The following ZNF320 variants were observed in gnomAD, a reference collection of about 807,000 sequenced individuals.
ZNF320 encodes zinc finger protein 320, also known as zinc finger gene 320.
A neutral mutation model predicts 6.8 loss-of-function variants in ZNF320; 2 were observed. The ratio of observed to expected loss-of-function variants is 0.29; its 90% confidence interval spans 0.12 to 0.93. ZNF320 has a LOEUF of 0.93. Among genes scored for constraint, ZNF320 ranks in the 40% least tolerant of loss-of-function variants. The probability of loss-of-function intolerance (pLI) is 0.55; values close to 1 mark genes in which losing one functional copy is unlikely to be tolerated. For missense variants in ZNF320, 472 were observed against 611.0 expected, an observed-to-expected ratio of 0.77 and a Z score of 2.40; for synonymous variants, 208 against 203.2, an observed-to-expected ratio of 1.02 and a Z score of -0.20.
chr19:52,866,869 C>CAAAAAAAACAAAA (rs2063583152), intron 5 of ZNF320, among the ~76,000 whole-genome samples: 1 of 108,888 alleles, frequency 9.2e-6, no homozygotes. Context: ...ACAAAACATA[C>CAAAAAAAACAAAA]AAAAAAAAAA....
At chr19:52,882,922 C>CA (rs2063966453) in intron 5 of ZNF320, among the ~76,000 whole-genome samples, 2 of 151,158 alleles carry the variant, frequency 1.3e-5, no homozygotes, top group African/African-American at 4.9e-5. Flanking sequence ...CCTTGGGTGA[C>CA]AGAGTGAGAC....
downstream of ZNF320, among the ~76,000 whole-genome samples, chr19:52,872,058 C>T (rs1311810010): frequency 6.6e-6 from 1 of 152,124 alleles, no homozygotes; most frequent in African/African-American, 2.4e-5. Context: ...GTGGTAGCAC[C>T]TGCCTGTCAT....
At chr19:52,871,371 T>G (rs977549968), downstream of ZNF320, among the ~76,000 whole-genome samples, 1 of 152,000 alleles carries the variant, frequency 6.6e-6, no homozygotes, top group African/African-American at 2.4e-5. Flanking sequence ...TACAAAAAAT[T>G]AGCCAGGCAT....
At chr19:52,897,323 G>A (rs2147909980) in intron 1 of ZNF320, among the ~76,000 whole-genome samples, 197 bp downstream of exon 1, 1 of 152,346 alleles carries the variant, frequency 6.6e-6, no homozygotes, top group South Asian at 2.1e-4. Context: ...GAGAGCGACG[G>A]TGGGAGGCGC....
At chr19:52,873,955 A>C, downstream of ZNF320, 1 of 426,746 alleles carries the variant, frequency 2.3e-6, no homozygotes, top group South Asian at 1.9e-5. Context: ...TCAGAAAGGA[A>C]AGAGACAGAA....
In ZNF320 at chr19:52,880,776, A is replaced by G; in HGVS notation, c.1350T>C (p.Phe450=). 6.2e-7 allele frequency: 1 copy of G among 1,613,956 alleles called. No homozygotes were observed. Among genetic ancestry groups the G allele is most frequent in the Non-Finnish European group, 8.5e-7 (1 of 1,179,860 alleles). The change falls in exon 6 of 6, where the codon TTT becomes TTC. Residue 450 remains phenylalanine (F), a synonymous_variant. Transcript: ENST00000682928. The part of the protein sequence containing the change: ...PHKCGDCGKA[F]NSPSHLIRHQ... ...GCCTAATAAGGTGTGAAGGTGAATT[A>G]AAGGCTTTACCACAATCACCACACT...
chr19:52,880,517 AAC>A lies in ZNF320; in HGVS notation c.*77_*78del, dbSNP rs2063880740. ...CGCCTGGCCCAATCCTCTTAACATAAACAGTTTAATGTCGATTAATGCTTGAA... is the reference window on the plus strand; with the variant it reads ...CGCCTGGCCCAATCCTCTTAACATAAAGTTTAATGTCGATTAATGCTTGAA... On this transcript the variant is annotated 3_prime_UTR_variant, in exon 6 of 6. Transcript: ENST00000682928. The A allele has an allele frequency of 7.1e-7, 1 of 1,416,746 alleles. No homozygotes were observed. The highest frequency in any genetic ancestry group is 9.6e-7 in the Non-Finnish European group (1 of 1,037,296). 87.8% of individuals were successfully genotyped at this position (1,416,746 alleles called of 1,614,324 possible).
Position 52,881,625 on chromosome 19 carries a change from C to T in ZNF320, c.501G>A (p.Glu167=). Residue 167 remains glutamate (E), a synonymous_variant, in exon 6 of 6, where the codon GAG becomes GAA. Transcript: ENST00000682928. ...GEKPYKCEEC[E]KVFSCKSHLE... Reference sequence around the variant, plus strand: ...GATGTGATTTGCAACTGAAAACTTTCTCACATTCTTCACATTTGTAAGGTT... The same window carrying T: ...GATGTGATTTGCAACTGAAAACTTTTTCACATTCTTCACATTTGTAAGGTT... 6.2e-7 allele frequency: 1 copy of T among 1,613,866 alleles called. No individual in the cohort carries two copies. The highest frequency in any genetic ancestry group is 8.5e-7 in the Non-Finnish European group (1 of 1,179,906).
intron 5 of ZNF320, among the ~76,000 whole-genome samples, chr19:52,885,938 C>T (rs1472514530): frequency 6.6e-6 from 1 of 151,872 alleles, no homozygotes; most frequent in Non-Finnish European, 1.5e-5. Context: ...AATAAAAGGA[C>T]AGATACAGAA....
intron 5 of ZNF320, among the ~76,000 whole-genome samples, chr19:52,866,377 A>C (rs892325137): frequency 4.4e-4 from 66 of 151,676 alleles, no homozygotes; most frequent in Non-Finnish European, 1.3e-4. Flanking sequence ...TCCTGCAGGA[A>C]CCCTCCACAT....
At position 52,877,020 on chromosome 19, in the gene ZNF320, T is replaced by A. The variant is rs1030520454; in HGVS notation, c.*3576A>T. 2.6e-5 allele frequency: 4 copies of A among 152,144 alleles called. No homozygotes were observed. Among genetic ancestry groups the A allele is most frequent in the African/African-American group, 7.2e-5 (3 of 41,408 alleles). The allele number at this position is 152,144 out of a possible 1,614,324, so 9.4% of individuals were successfully genotyped here. A position where few individuals can be genotyped will look rare whatever the true frequency, so the allele number is the denominator to read the frequency against. ...AACTTTGGAGGCTGAGGTGGGAGGATCCCTTGAACCCAGGAGATTGAAGCT... is the reference window on the plus strand; with the variant it reads ...AACTTTGGAGGCTGAGGTGGGAGGAACCCTTGAACCCAGGAGATTGAAGCT... On this transcript the variant is annotated 3_prime_UTR_variant, in exon 6 of 6. Transcript: ENST00000682928.
chr19:52,900,630 G>T (rs1236602521), upstream of ZNF320, among the ~76,000 whole-genome samples: 1 of 152,064 alleles, frequency 6.6e-6, no homozygotes, highest in African/African-American at 2.4e-5. Context: ...ACTGGTTCTG[G>T]AGAGCATTTT....
chr19:52,894,916 A>AC (rs1395611586), intron 1 of ZNF320: 1 of 152,752 alleles, frequency 6.5e-6, no homozygotes, highest in East Asian at 1.9e-4. Context: ...AACAACAACA[A>AC]AAAACACTGA....
At position 52,878,582 on chromosome 19, in the gene ZNF320, T is replaced by G. The variant is rs1457518062; in HGVS notation, c.*2014A>C. ...ACTTTCAACATCATCTTGTCCCAAC[T>G]TAAAATAAGTTTTCCATTTACAAAC... On this transcript the variant is annotated 3_prime_UTR_variant, in exon 6 of 6. Coordinates refer to ENST00000682928, the MANE Select transcript of ZNF320 (RefSeq NM_001351774.2). The G allele has an allele frequency of 6.6e-6, 1 of 152,176 alleles. No individual in the cohort carries two copies. The highest frequency in any genetic ancestry group is 1.5e-5 in the Non-Finnish European group (1 of 68,036). The allele number at this position is 152,176 out of a possible 1,614,324, so 9.4% of individuals were successfully genotyped here. A position where few individuals can be genotyped will look rare whatever the true frequency, so the allele number is the denominator to read the frequency against.
chr19:52,880,587 A>G lies in ZNF320; in HGVS notation c.*9T>C, dbSNP rs2063883015. ...TCAAACTCAGGTCAATGCTGATTTG[A>G]CTCTGATGTCAATTAATGCTTGATG... On this transcript the variant is annotated 3_prime_UTR_variant, in exon 6 of 6. Transcript: ENST00000682928. 1 of 1,585,330 alleles carries G rather than the reference A, an allele frequency of 6.3e-7. No homozygotes were observed. Among genetic ancestry groups the G allele is most frequent in the Admixed American group, 1.8e-5 (1 of 55,366 alleles).
upstream of ZNF320, among the ~76,000 whole-genome samples, chr19:52,898,433 G>A (rs1468048444): frequency 6.6e-6 from 1 of 152,098 alleles, no homozygotes; most frequent in Non-Finnish European, 1.5e-5. Flanking sequence ...CAGCGTGGGC[G>A]ACAAAGTAAG....
At chr19:52,871,006 G>A (rs886892038) in intron 5 of ZNF320, among the ~76,000 whole-genome samples, 2 of 151,982 alleles carry the variant, frequency 1.3e-5, no homozygotes. Flanking sequence ...AATTAGCCAG[G>A]CATGGTGGCA....
intron 5 of ZNF320, among the ~76,000 whole-genome samples, chr19:52,884,497 T>C (rs2064015881): frequency 6.6e-6 from 1 of 152,166 alleles, no homozygotes; most frequent in South Asian, 2.1e-4. Flanking sequence ...TTTGTGGTTT[T>C]AGTAGAGATG....
chr19:52,902,530 GTTTGT>G (rs938061258), upstream of ZNF320, among the ~76,000 whole-genome samples: 1 of 152,214 alleles, frequency 6.6e-6, no homozygotes. Context: ...AATTGCCAAA[GTTTGT>G]TTTAAGTCTT....
Sources: allele counts gnomAD v4.1 joint callset (sites outside exome capture counted in the v4.1 genomes callset), GRCh38; gene constraint gnomAD v4.1.1; transcripts MANE v1.5; gene names NCBI Gene and HGNC (gene_info 2026-07-23, HGNC 2026-07-21).